Variants in MAP2 observed in about 807,000 individuals in gnomAD.
MAP2 encodes the protein microtubule associated protein 2, also known as microtubule-associated protein 2.
A neutral mutation model predicts 137.6 loss-of-function variants in MAP2; 14 were observed. The ratio of observed to expected loss-of-function variants is 0.10; its 90% CI spans 0.07 to 0.16. MAP2 has a LOEUF of 0.16. Among genes scored for constraint, MAP2 ranks in the 10% least tolerant of loss-of-function variants. The probability of loss-of-function intolerance (pLI) is 1.00; values close to 1 mark genes in which losing one functional copy is unlikely to be tolerated. For missense variants in MAP2, 2,088 were observed against 2,191.5 expected (o/e 0.95, Z 0.94); for synonymous variants, 786 against 782.3 (o/e 1.00, Z -0.08).
At chr2:209,446,934 A>T (rs1699204261) in intron 1 of MAP2, among the ~76,000 whole-genome samples, 1 of 151,886 alleles carries the variant, frequency 6.6e-6, no homozygotes, top group Non-Finnish European at 1.5e-5. Flanking sequence ...TCAATAGCAG[A>T]TATTTTCTCA....
chr2:209,533,537 G>A (rs1216601287), intron 2 of MAP2, among the ~76,000 whole-genome samples: 3 of 152,304 alleles, frequency 2.0e-5, no homozygotes, highest in Admixed American at 6.5e-5. Context: ...TACAGATCCC[G>A]TGATTCTACA....
intron 11 of MAP2, chr2:209,704,115 C>T: frequency 2.2e-6 from 1 of 450,046 alleles, no homozygotes; most frequent in Non-Finnish European, 4.4e-6. Flanking sequence ...GTTTTTCAAT[C>T]CTTCCCCCAC....
At chr2:209,552,665 A>G (rs926012013) in intron 2 of MAP2, among the ~76,000 whole-genome samples, 1 of 152,084 alleles carries the variant, frequency 6.6e-6, no homozygotes, top group Non-Finnish European at 1.5e-5. Context: ...GTTTGAGACC[A>G]GTCTGGCCAA....
At chr2:209,686,030 C>T (rs2056885214) in intron 7 of MAP2, among the ~76,000 whole-genome samples, 1 of 152,130 alleles carries the variant, frequency 6.6e-6, no homozygotes, top group Non-Finnish European at 1.5e-5. Context: ...TTAGAAGTAA[C>T]TTGCATACAT....
chr2:209,492,650 C>T (rs1052794740), intron 1 of MAP2, among the ~76,000 whole-genome samples: 5 of 152,096 alleles, frequency 3.3e-5, no homozygotes, highest in African/African-American at 1.2e-4. Flanking sequence ...CAATAATAGA[C>T]AGACACAGAG....
At chr2:209,615,579 A>G (rs2088956404) in intron 3 of MAP2, among the ~76,000 whole-genome samples, 1 of 152,208 alleles carries the variant, frequency 6.6e-6, no homozygotes, top group African/African-American at 2.4e-5. Flanking sequence ...ATATAACTTT[A>G]TGTAATCCTT....
intron 2 of MAP2, among the ~76,000 whole-genome samples, chr2:209,509,402 C>T (rs1397822311): frequency 2.0e-5 from 3 of 151,832 alleles, no homozygotes; most frequent in Non-Finnish European, 1.5e-5. Context: ...GTGAAAATAA[C>T]GTGTACATAT....
chr2:209,691,479 T>G (rs1006631272), intron 7 of MAP2, among the ~76,000 whole-genome samples: 2 of 152,134 alleles, frequency 1.3e-5, no homozygotes, highest in East Asian at 3.9e-4. Flanking sequence ...TTTTTTCTAT[T>G]GTTACAACAG....
intron 13 of MAP2, among the ~76,000 whole-genome samples, chr2:209,714,493 C>T (rs80125015): frequency 0.021 from 3,233 of 152,286 alleles, 105 homozygotes; most frequent in African/African-American, 0.069. Flanking sequence ...AAAAACAGTA[C>T]TCACTTTTTA....
At chr2:209,658,698 G>T (rs1292804627) in intron 5 of MAP2, among the ~76,000 whole-genome samples, 1 of 151,768 alleles carries the variant, frequency 6.6e-6, no homozygotes, top group Non-Finnish European at 1.5e-5. Flanking sequence ...GTAGAGACGG[G>T]GTTTCACCAT....
In MAP2 at chr2:209,468,317, C is replaced by CTTTTTT. The variant is rs11450792; in HGVS notation, c.-221-39259_-221-39254dup. Among the ~76,000 whole-genome samples, 37 of 88,508 alleles carry CTTTTTT rather than the reference C, an allele frequency of 4.2e-4. 1 individual carries two copies. The highest frequency in any genetic ancestry group is 4.9e-4 in the South Asian group (1 of 2,028). The allele number at this position is 88,508 out of a possible 152,430, so 58.1% of individuals were successfully genotyped here. A position where few individuals can be genotyped will look rare whatever the true frequency, so the allele number is the denominator to read the frequency against. On this transcript the variant is annotated intron_variant, in intron 1 of 15. Transcript: ENST00000682079. The stretch of plus-strand genomic sequence containing the variant: ...GGAGGATTTTTTCAGTTTAGTGTTT[C>CTTTTTT]TTTTTTTTTTTTTTTTTTTTTGAGA...
At chr2:209,610,987 A>G (rs2086649118) in intron 3 of MAP2, among the ~76,000 whole-genome samples, 1 of 152,302 alleles carries the variant, frequency 6.6e-6, no homozygotes, top group Non-Finnish European at 1.5e-5. Context: ...ATTAAATTCT[A>G]CAAAGAGTCT....
intron 10 of MAP2, 51 bp from the exon 11 acceptor site, chr2:209,700,226 A>G (rs750795365): frequency 6.7e-7 from 1 of 1,484,372 alleles, no homozygotes; most frequent in Non-Finnish European, 9.4e-7. Flanking sequence ...AACTGCATTT[A>G]TGACTTTTTA....
intron 2 of MAP2, among the ~76,000 whole-genome samples, chr2:209,575,732 C>T (rs546569262): frequency 6.6e-6 from 1 of 152,224 alleles, no homozygotes; most frequent in Non-Finnish European, 1.5e-5. Context: ...TGCCAGTACG[C>T]TCCAGGCACT....
intron 2 of MAP2, among the ~76,000 whole-genome samples, chr2:209,545,489 T>A (rs1559302804): frequency 6.6e-6 from 1 of 152,192 alleles, no homozygotes; most frequent in Non-Finnish European, 1.5e-5. Flanking sequence ...AACAATATTG[T>A]GGTAACGATG....
Position 209,579,993 on chromosome 2 carries a change from C to CATATATATAT in MAP2, c.-171-34_-171-25dup, listed in dbSNP as rs3036661. The CATATATATAT allele has an allele frequency of 5.6e-3, 817 of 145,648 alleles. 8 individuals carry two copies. The highest frequency in any genetic ancestry group is 0.018 in the African/African-American group (706 of 39,944). The allele number at this position is 145,648 out of a possible 1,614,324, so 9.0% of individuals were successfully genotyped here. The stretch of plus-strand genomic sequence containing the variant: ...ATTTTTGATATTTAGTTAACAAATC[C>CATATATATAT]ATATATATATATATATATGTTTCTT... On this transcript the variant is annotated intron_variant, in intron 2 of 15. Coordinates refer to ENST00000682079, the MANE Select transcript of MAP2 (RefSeq NM_001375505.1).
chr2:209,502,464 TCA>T (rs964141841), intron 1 of MAP2, among the ~76,000 whole-genome samples: 33 of 152,318 alleles, frequency 2.2e-4, no homozygotes, highest in African/African-American at 7.9e-4. Flanking sequence ...GTATAGTAAC[TCA>T]CAATTTTTTA....
At chr2:209,646,802 T>G (rs1411071896) in intron 4 of MAP2, among the ~76,000 whole-genome samples, 1 of 152,210 alleles carries the variant, frequency 6.6e-6, no homozygotes, top group African/African-American at 2.4e-5. Context: ...TTGTTGTTGT[T>G]GTTTCTTCCT....
At chr2:209,460,818 G>C (rs1344590464) in intron 1 of MAP2, among the ~76,000 whole-genome samples, 1 of 151,902 alleles carries the variant, frequency 6.6e-6, no homozygotes, top group African/African-American at 2.4e-5. Context: ...GCATAATCTT[G>C]GCTCACTGCA....
Sources: allele counts gnomAD v4.1 joint callset (sites outside exome capture counted in the v4.1 genomes callset), GRCh38; gene constraint gnomAD v4.1.1; transcripts MANE v1.5; gene names NCBI Gene and HGNC (gene_info 2026-07-23, HGNC 2026-07-21).